The following KYAT1 variants were observed in gnomAD, a reference collection of about 807,000 sequenced individuals.
KYAT1 encodes kynurenine--oxoglutarate transaminase 1.
In KYAT1, 47 loss-of-function variants were observed where a neutral mutation model predicts 52.4. The ratio of observed to expected loss-of-function variants is 0.90; its 90% CI spans 0.71 to 1.14. The LOEUF (loss-of-function observed/expected upper bound fraction) is 1.14, where lower values mean the gene tolerates loss of function less well. Among genes scored for constraint, KYAT1 ranks in the 50% most tolerant of loss-of-function variants. The pLI is 0.00. For synonymous variants in KYAT1, 212 were observed against 209.6 expected (o/e 1.01, Z -0.10); for missense variants, 480 against 557.9 (o/e 0.86, Z 1.41).
upstream of KYAT1, chr9:128,882,135 G>A (rs1351444106): frequency 6.6e-6 from 1 of 152,348 alleles, no homozygotes; most frequent in Non-Finnish European, 1.5e-5. Flanking sequence ...AGGAGGCTGA[G>A]TGGTGCAGTG....
chr9:128,863,685 T>C (rs1021362462), intron 1 of KYAT1, among the ~76,000 whole-genome samples: 1 of 152,072 alleles, frequency 6.6e-6, no homozygotes, highest in African/African-American at 2.4e-5. Flanking sequence ...CCCAGCAACT[T>C]GGCCAGGTTG....
Position 128,833,371 on chromosome 9 carries a change from G to A in KYAT1, c.*213C>T. 1.6e-6 allele frequency: 1 copy of A among 620,860 alleles called. No individual in the cohort carries two copies. Among genetic ancestry groups the A allele is most frequent in the Non-Finnish European group, 2.9e-6 (1 of 350,650 alleles). The allele number at this position is 620,860 out of a possible 1,614,324, so 38.5% of individuals were successfully genotyped here. A position where few individuals can be genotyped will look rare whatever the true frequency, so the allele number is the denominator to read the frequency against. On this transcript the variant is annotated 3_prime_UTR_variant, in exon 13 of 13. Transcript: ENST00000302586. Reference sequence around the variant, plus strand: ...TATGGAGGGGCAGGGAGAGGCCCAGGTCAGGCCACCCTCACCTTTCAGACA... The same window carrying A: ...TATGGAGGGGCAGGGAGAGGCCCAGATCAGGCCACCCTCACCTTTCAGACA...
At chr9:128,845,443 G>T (rs1172532418) in intron 1 of KYAT1, 32 bp from the exon 2 acceptor site, 2 of 1,609,184 alleles carry the variant, frequency 1.2e-6, no homozygotes, top group Non-Finnish European at 1.7e-6. Flanking sequence ...GTCAGAGATG[G>T]AATCTGTCTG....
At position 128,845,541 on chromosome 9, in the gene KYAT1, T is replaced by G. The variant is rs149110110; in HGVS notation, c.-6-130A>C. ...GTCTGCTCCCAGGAGGGGGAAGAGA[T>G]AGAGTTTGCAGAAGGGCAGGTTTCT... On this transcript the variant is annotated intron_variant, in intron 1 of 12. Transcript: ENST00000302586. 1.3e-4 allele frequency: 106 copies of G among 833,518 alleles called. No individual in the cohort carries two copies. The Middle Eastern group carries it at 2.0e-3, about 16-fold the overall frequency. 51.6% of individuals were successfully genotyped at this position (833,518 alleles called of 1,614,324 possible).
At chr9:128,860,962 C>T (rs888114653) in intron 1 of KYAT1, among the ~76,000 whole-genome samples, 12 of 152,122 alleles carry the variant, frequency 7.9e-5, no homozygotes, top group African/African-American at 2.7e-4. Flanking sequence ...CACAGATCAC[C>T]GTGTCAGACA....
intron 3 of KYAT1, among the ~76,000 whole-genome samples, chr9:128,842,366 G>A (rs1832347316): frequency 6.6e-6 from 1 of 152,092 alleles, no homozygotes; most frequent in Non-Finnish European, 1.5e-5. Context: ...CATCTCTCCA[G>A]CCCCCTCCCC....
intron 1 of KYAT1, among the ~76,000 whole-genome samples, chr9:128,848,773 C>T (rs190400971): frequency 1.6e-3 from 234 of 147,682 alleles, no homozygotes; most frequent in African/African-American, 3.5e-3. Flanking sequence ...GCCGAGATCA[C>T]GCCACTCACT....
chr9:128,841,167 C>T (rs1248516682), intron 3 of KYAT1, among the ~76,000 whole-genome samples: 3 of 149,986 alleles, frequency 2.0e-5, no homozygotes, highest in Admixed American at 2.0e-4. Flanking sequence ...GTCAAGAGAT[C>T]GAGACCAACC....
chr9:128,845,313 G>T, intron 2 of KYAT1, 40 bp downstream of exon 2: 1 of 1,590,488 alleles, frequency 6.3e-7, no homozygotes. Flanking sequence ...ACCCATGCCC[G>T]AGGGGACACC....
intron 1 of KYAT1, among the ~76,000 whole-genome samples, chr9:128,867,338 C>G (rs1157712157): frequency 6.6e-6 from 1 of 152,114 alleles, no homozygotes; most frequent in East Asian, 1.9e-4. Flanking sequence ...CGCCACCATG[C>G]TGGGCTAACT....
chr9:128,866,653 T>C (rs1836427025), intron 1 of KYAT1, among the ~76,000 whole-genome samples: 1 of 151,364 alleles, frequency 6.6e-6, no homozygotes, highest in Admixed American at 6.6e-5. Context: ...CTCATGCCTG[T>C]AATCCCAGCA....
intron 1 of KYAT1, 115 bp from the exon 2 acceptor site, chr9:128,845,526 A>AGGAG: frequency 1.1e-6 from 1 of 937,304 alleles, no homozygotes; most frequent in Non-Finnish European, 1.7e-6. Context: ...GTCTGCTCCC[A>AGGAG]GGAGGGGGAA....
At chr9:128,871,317 T>TAAAACAAAAC (rs200073072) in intron 1 of KYAT1, among the ~76,000 whole-genome samples, 54 of 151,120 alleles carry the variant, frequency 3.6e-4, no homozygotes, top group African/African-American at 1.2e-3. Flanking sequence ...GACCTTGTCT[T>TAAAACAAAAC]AAAACAAAAC....
rs766803003 is a variant in KYAT1, at chr9:128,842,723, GTC to G, written c.130_131del (p.Asp44LeufsTer17). On this transcript the variant is annotated frameshift_variant, in exon 3 of 13. Coordinates refer to ENST00000302586, the MANE Select transcript of KYAT1 (RefSeq NM_004059.5). LOFTEE classifies it high-confidence loss of function. ...GQGFPDFPPP[D>X]FAVEAFQHAV... ...CGTGCTGAAAGGCTTCCACGGCAAA[GTC>G]TGGTGGTGGGAAATCCGGGAAGCCC... 1 of 1,614,240 alleles carries G rather than the reference GTC, an allele frequency of 6.2e-7. No homozygotes were observed. The highest frequency in any genetic ancestry group is 8.5e-7 in the Non-Finnish European group (1 of 1,180,040).
At chr9:128,837,975 T>G in intron 5 of KYAT1, 76 bp downstream of exon 5, 1 of 1,543,422 alleles carries the variant, frequency 6.5e-7, no homozygotes, top group Non-Finnish European at 9.0e-7. Flanking sequence ...CTTTCCTCCT[T>G]TTCCAACTCC....
chr9:128,840,173 C>A (rs1831884237), intron 3 of KYAT1, among the ~76,000 whole-genome samples: 1 of 151,924 alleles, frequency 6.6e-6, no homozygotes, highest in African/African-American at 2.4e-5. Context: ...CACAGTGGCT[C>A]ATGCCTGTAA....
rs1040129668 is a variant in KYAT1 at position 128,867,803 on chromosome 9, C to T, written c.-7+14094G>A. On this transcript the variant is annotated intron_variant, in intron 1 of 12. Transcript: ENST00000302586. ...TGTTTGTTTGTTTGAGACGGAGTCT[C>T]GCTCTGTCGCCCAGGCTGGAGTGCA... 4.6e-5 allele frequency among the ~76,000 whole-genome samples: 7 copies of T among 152,320 alleles called. No homozygotes were observed. The East Asian group carries it at 7.7e-4, about 17-fold the overall frequency.
intron 1 of KYAT1, among the ~76,000 whole-genome samples, chr9:128,846,290 C>T (rs140623153): frequency 0.038 from 5,748 of 152,252 alleles, 146 homozygotes; most frequent in Non-Finnish European, 0.057. Flanking sequence ...ATTAGCTGGG[C>T]GTGGTAGCAC....
chr9:128,854,321 T>A (rs1834325139), intron 1 of KYAT1, among the ~76,000 whole-genome samples: 1 of 152,292 alleles, frequency 6.6e-6, no homozygotes, highest in African/African-American at 2.4e-5. Context: ...CCGCTACTTC[T>A]GCAGAACAAC....
Sources: gnomAD v4.1 joint callset for allele counts (sites outside exome capture counted in the v4.1 genomes callset) on GRCh38, gnomAD v4.1.1 for gene constraint, MANE v1.5 for transcripts, NCBI Gene and HGNC (gene_info 2026-07-23, HGNC 2026-07-21) for gene names.